KDELR2: variants seen among roughly 807,000 people sequenced by gnomAD.
KDELR2 encodes ER lumen protein-retaining receptor 2.
KDELR2 carries 15 observed loss-of-function variants against 23.9 expected under a neutral mutation model. That is an observed-to-expected ratio of 0.63 (90% CI 0.42 to 0.97). The LOEUF (loss-of-function observed/expected upper bound fraction) is 0.97, where lower values mean the gene tolerates loss of function less well. Among genes scored for constraint, KDELR2 ranks in the 50% least tolerant of loss-of-function variants. The pLI is 0.00. For synonymous variants in KDELR2, 119 were observed against 106.2 expected (o/e 1.12, Z -0.74); for missense variants, 272 against 254.6 (o/e 1.07, Z -0.46).
chr7:6,471,114 CA>C (rs199716537), intron 2 of KDELR2, among the ~76,000 whole-genome samples: 1 of 101,546 alleles, frequency 9.8e-6, no homozygotes. Flanking sequence ...GACTCTGTCT[CA>C]AAAAAAATAA....
intron 1 of KDELR2, among the ~76,000 whole-genome samples, chr7:6,481,365 CAA>C (rs11388243): frequency 8.5e-6 from 1 of 117,678 alleles, no homozygotes. Flanking sequence ...AAGTTCATCT[CAA>C]AAAAAAAAAA....
chr7:6,469,830 C>A, intron 2 of KDELR2, 76 bp from the exon 3 acceptor site: 2 of 1,297,552 alleles, frequency 1.5e-6, no homozygotes, highest in East Asian at 5.2e-5. Context: ...TTTAATCACC[C>A]ATGTATTTGG....
At chr7:6,477,210 A>G (rs2115332161) in intron 1 of KDELR2, among the ~76,000 whole-genome samples, 1 of 152,222 alleles carries the variant, frequency 6.6e-6, no homozygotes, top group South Asian at 2.1e-4. Flanking sequence ...TCCATGGAGT[A>G]GCGTCCACGC....
intron 3 of KDELR2, among the ~76,000 whole-genome samples, chr7:6,466,696 A>G (rs1254217435): frequency 1.3e-5 from 2 of 151,786 alleles, no homozygotes; most frequent in Non-Finnish European, 2.9e-5. Flanking sequence ...CTGCAACTAG[A>G]TGGTCCTATC....
intron 1 of KDELR2, among the ~76,000 whole-genome samples, chr7:6,475,735 G>A (rs147155755): frequency 1.9e-3 from 283 of 152,270 alleles, no homozygotes; most frequent in African/African-American, 6.3e-3. Context: ...TTCAGATGCT[G>A]GAGACTGAGC....
chr7:6,466,892 T>C (rs1562498724), intron 3 of KDELR2, among the ~76,000 whole-genome samples: 1 of 152,086 alleles, frequency 6.6e-6, no homozygotes, highest in African/African-American at 2.4e-5. Context: ...CAGCTATAAA[T>C]ACAATGAAGC....
intron 2 of KDELR2, among the ~76,000 whole-genome samples, chr7:6,472,874 T>C (rs1185400229): frequency 6.7e-6 from 1 of 150,372 alleles, no homozygotes; most frequent in Non-Finnish European, 1.5e-5. Flanking sequence ...AGACTCCTAT[T>C]ACATATCCTG....
intron 1 of KDELR2, among the ~76,000 whole-genome samples, chr7:6,479,723 C>T (rs568715970): frequency 3.9e-5 from 6 of 152,296 alleles, no homozygotes; most frequent in East Asian, 1.9e-4. Context: ...AAGATCCGCC[C>T]GCCTTGGCCT....
chr7:6,484,022 G>C lies in KDELR2; in HGVS notation c.36C>G (p.His12Gln). 1 of 1,527,458 alleles carries C rather than the reference G, an allele frequency of 6.5e-7. No homozygotes were observed. The highest frequency in any genetic ancestry group is 2.8e-5 in the East Asian group (1 of 35,662). The allele number at this position is 1,527,458 out of a possible 1,614,324, so 94.6% of individuals were successfully genotyped here. The change falls in exon 1 of 5, where the codon CAC becomes CAG. Residue 12 changes from histidine (H) to glutamine (Q), a missense_variant. Coordinates refer to ENST00000258739, the MANE Select transcript of KDELR2 (RefSeq NM_006854.4). ...GCAGCAGGATGACGATGGCCGCCAGGTGGGACAGGTCCCCAGTCAGCCGGA... is the reference window on the plus strand; with the variant it reads ...GCAGCAGGATGACGATGGCCGCCAGCTGGGACAGGTCCCCAGTCAGCCGGA... The part of the protein sequence containing the change: ...NIFRLTGDLS[H>Q]LAAIVILLLK...
chr7:6,462,899 A>G lies in KDELR2; in HGVS notation c.*242T>C. On this transcript the variant is annotated 3_prime_UTR_variant, in exon 5 of 5. Coordinates refer to ENST00000258739, the MANE Select transcript of KDELR2 (RefSeq NM_006854.4). The stretch of plus-strand genomic sequence containing the variant: ...AGCTACACACTGAATTTATTAATAC[A>G]GCATTAAGTTTCTTTGTGTAAAAAA... 1 of 1,300,100 alleles carries G rather than the reference A, an allele frequency of 7.7e-7. No homozygotes were observed. The highest frequency in any genetic ancestry group is 1.5e-5 in the South Asian group (1 of 67,950). 80.5% of individuals were successfully genotyped at this position (1,300,100 alleles called of 1,614,324 possible). A position where few individuals can be genotyped will look rare whatever the true frequency, so the allele number is the denominator to read the frequency against.
chr7:6,470,857 G>A (rs1785617778), intron 2 of KDELR2, among the ~76,000 whole-genome samples: 1 of 152,120 alleles, frequency 6.6e-6, no homozygotes, highest in Middle Eastern at 3.2e-3. Context: ...GCTCACGCCT[G>A]TAATCCTAGC....
chr7:6,474,178 C>G lies in KDELR2; in HGVS notation c.192+6G>C, dbSNP rs543600635. Reference sequence around the variant, plus strand: ...GAAATACATTCCTGTGGATGGCATACCATACCTTCATAGATGTGTTATACA... The same window carrying G: ...GAAATACATTCCTGTGGATGGCATAGCATACCTTCATAGATGTGTTATACA... On this transcript the variant is annotated splice_donor_region_variant and intron_variant, in intron 2 of 4. Coordinates refer to ENST00000258739, the MANE Select transcript of KDELR2 (RefSeq NM_006854.4). 6.4e-7 allele frequency: 1 copy of G among 1,557,826 alleles called. No individual in the cohort carries two copies. The highest frequency in any genetic ancestry group is 1.1e-5 in the South Asian group (1 of 89,924).
At chr7:6,481,045 T>C (rs6964421) in intron 1 of KDELR2, among the ~76,000 whole-genome samples, 97,489 of 151,992 alleles carry the variant, frequency 0.64, 31,569 homozygotes, top group Non-Finnish European at 0.68. Context: ...CCTTATATGC[T>C]CCTGAATCTC....
In KDELR2 at chr7:6,462,915, G is replaced by GT; in HGVS notation, c.*225dup. ...TATTAATACAGCATTAAGTTTCTTT[G>GT]TGTAAAAAAATCTTTGTACACAGTA... On this transcript the variant is annotated 3_prime_UTR_variant, in exon 5 of 5. Coordinates refer to ENST00000258739, the MANE Select transcript of KDELR2 (RefSeq NM_006854.4). 3.5e-6 allele frequency: 5 copies of GT among 1,442,136 alleles called. No individual in the cohort carries two copies. The highest frequency in any genetic ancestry group is 4.7e-6 in the Non-Finnish European group (5 of 1,061,402). 89.3% of individuals were successfully genotyped at this position (1,442,136 alleles called of 1,614,324 possible).
chr7:6,464,584 C>A (rs1454664075), intron 4 of KDELR2, among the ~76,000 whole-genome samples: 1 of 151,714 alleles, frequency 6.6e-6, no homozygotes, highest in Non-Finnish European at 1.5e-5. Flanking sequence ...CTCAGCTACT[C>A]GGGAGGCTGA....
intron 2 of KDELR2, among the ~76,000 whole-genome samples, chr7:6,472,227 A>G (rs552688678): frequency 6.6e-6 from 1 of 152,344 alleles, no homozygotes; most frequent in African/African-American, 2.4e-5. Context: ...CAAGGCTCAC[A>G]GCAGAGAGGC....
At chr7:6,468,805 G>A (rs2347780) in intron 3 of KDELR2, among the ~76,000 whole-genome samples, 136,186 of 152,106 alleles carry the variant, frequency 0.9, 61,439 homozygotes, top group Non-Finnish European at 0.92. Flanking sequence ...CGCATGGCCA[G>A]TTTTTGTATT....
At chr7:6,481,042 T>C (rs771787552) in intron 1 of KDELR2, among the ~76,000 whole-genome samples, 1 of 152,152 alleles carries the variant, frequency 6.6e-6, no homozygotes, top group Non-Finnish European at 1.5e-5. Context: ...TTTCCTTATA[T>C]GCTCCTGAAT....
At chr7:6,476,731 T>C (rs536864992) in intron 1 of KDELR2, among the ~76,000 whole-genome samples, 2 of 152,268 alleles carry the variant, frequency 1.3e-5, no homozygotes, top group Admixed American at 6.5e-5. Context: ...TCTCTGAAGA[T>C]ACCCTCCCTC....
Sources: gnomAD v4.1 joint callset for allele counts (sites outside exome capture counted in the v4.1 genomes callset) on GRCh38, gnomAD v4.1.1 for gene constraint, MANE v1.5 for transcripts, NCBI Gene and HGNC (gene_info 2026-07-23, HGNC 2026-07-21) for gene names.